ZNF566: variants seen among roughly 807,000 people sequenced by gnomAD.
ZNF566 encodes the protein zinc finger protein 566.
ZNF566 carries 27 observed loss-of-function variants against 32.8 expected under a neutral mutation model. The ratio of observed to expected loss-of-function variants is 0.82; its 90% CI spans 0.61 to 1.14. The LOEUF is 1.14. Ranked by LOEUF, ZNF566 falls within the 50% of genes most tolerant of loss-of-function variation. ZNF566 has a pLI of 0.00. For synonymous variants in ZNF566, 154 were observed against 159.5 expected, an observed-to-expected ratio of 0.97 and a Z score of 0.26; for missense variants, 402 against 490.4, an observed-to-expected ratio of 0.82 and a Z score of 1.70.
chr19:36,449,046 T>C lies in ZNF566; in HGVS notation c.1188A>G (p.Glu396=). The change falls in exon 5 of 5, where the codon GAA becomes GAG. Residue 396 remains glutamate (E), a synonymous_variant. Transcript: ENST00000452939. The part of the protein sequence containing the change: ...HRIHTSEKPY[E]YRECGKNFNY... ...TAAAGTTCTTTCCACATTCCCTATA[T>C]TCATAGGGTTTCTCACTAGTATGAA... 6.2e-7 allele frequency: 1 copy of C among 1,612,594 alleles called. No individual in the cohort carries two copies. Among genetic ancestry groups the C allele is most frequent in the Non-Finnish European group, 8.5e-7 (1 of 1,179,438 alleles).
intron 4 of ZNF566, among the ~76,000 whole-genome samples, chr19:36,451,068 C>T (rs947605794): frequency 6.6e-6 from 1 of 152,314 alleles, no homozygotes; most frequent in South Asian, 2.1e-4. Context: ...TTCTCAGTCA[C>T]ATTATTCACA....
At chr19:36,477,781 T>C (rs997581766) in intron 1 of ZNF566, among the ~76,000 whole-genome samples, 2 of 151,950 alleles carry the variant, frequency 1.3e-5, no homozygotes, top group African/African-American at 4.8e-5. Flanking sequence ...TCCAAAGTGC[T>C]GGGATTATAA....
At chr19:36,484,308 TTCTG>T (rs2145710192) in intron 1 of ZNF566, among the ~76,000 whole-genome samples, 1 of 152,350 alleles carries the variant, frequency 6.6e-6, no homozygotes, top group South Asian at 2.1e-4. Flanking sequence ...AGGTTTCCAA[TTCTG>T]TCTACCTGTT....
intron 4 of ZNF566, among the ~76,000 whole-genome samples, chr19:36,453,438 A>G (rs992378075): frequency 6.6e-6 from 1 of 151,190 alleles, no homozygotes; most frequent in Non-Finnish European, 1.5e-5. Flanking sequence ...GCGCCACTGC[A>G]CTCCAGCCTG....
At chr19:36,488,788 T>A (rs1006712125) in intron 1 of ZNF566, among the ~76,000 whole-genome samples, 6 of 152,192 alleles carry the variant, frequency 3.9e-5, no homozygotes, top group African/African-American at 1.4e-4. Flanking sequence ...AACATTCATA[T>A]AAAGTTTTAA....
At chr19:36,476,482 A>G in intron 2 of ZNF566, 67 bp downstream of exon 2, 1 of 1,445,148 alleles carries the variant, frequency 6.9e-7, no homozygotes, top group Non-Finnish European at 9.7e-7. Context: ...ATCATGAGGA[A>G]AGCAAATGTT....
intron 4 of ZNF566, among the ~76,000 whole-genome samples, chr19:36,467,819 A>AAAAAAG (rs1568521885): frequency 7.8e-6 from 1 of 127,810 alleles, no homozygotes; most frequent in African/African-American, 3.0e-5. Flanking sequence ...AAAAAAAAAA[A>AAAAAAG]AAAAAGAAAA....
In ZNF566 at chr19:36,448,118, A is replaced by G. The variant is rs1402533344; in HGVS notation, c.*859T>C. ...TATGAACAGAAAAATGATCAGCAAT[A>G]AATAATGAACTGATAAAGACTATCC... On this transcript the variant is annotated 3_prime_UTR_variant, in exon 5 of 5. Coordinates refer to ENST00000452939, the MANE Select transcript of ZNF566 (RefSeq NM_001145344.1). The G allele has an allele frequency of 1.3e-5, 2 of 152,194 alleles. No individual in the cohort carries two copies. The highest frequency in any genetic ancestry group is 1.5e-5 in the Non-Finnish European group (1 of 68,020). 9.4% of individuals were successfully genotyped at this position (152,194 alleles called of 1,614,324 possible).
rs761288825 is a variant in ZNF566 at position 36,489,523 on chromosome 19, G to GTAGT, written c.-101_-98dup. 1.1e-5 allele frequency: 4 copies of GTAGT among 349,366 alleles called. No individual in the cohort carries two copies. Among genetic ancestry groups the GTAGT allele is most frequent in the African/African-American group, 2.1e-5 (1 of 46,536 alleles). The allele number at this position is 349,366 out of a possible 1,614,324, so 21.6% of individuals were successfully genotyped here. A position where few individuals can be genotyped will look rare whatever the true frequency, so the allele number is the denominator to read the frequency against. On this transcript the variant is annotated 5_prime_UTR_variant, in exon 1 of 5. Transcript: ENST00000452939. ...CAGCAGAACCCTCCCCGGCACTGGGGTAGTTGCTGGTAAAGCCCTGAGGGT... is the reference window on the plus strand; with the variant it reads ...CAGCAGAACCCTCCCCGGCACTGGGGTAGTTAGTTGCTGGTAAAGCCCTGAGGGT...
chr19:36,473,211 A>C, intron 3 of ZNF566, 121 bp downstream of exon 3: 1 of 1,282,070 alleles, frequency 7.8e-7, no homozygotes, highest in Admixed American at 1.9e-5. Flanking sequence ...TATTCAGAAC[A>C]TTCCTGTGGA....
chr19:36,489,452 C>G, intron 1 of ZNF566, 34 bp downstream of exon 1: 3 of 305,594 alleles, frequency 9.8e-6, no homozygotes, highest in South Asian at 8.4e-5. Context: ...CCCCCGGCCC[C>G]GCCCTCTCCC....
chr19:36,487,224 C>T (rs553180769), intron 1 of ZNF566, among the ~76,000 whole-genome samples: 2 of 151,932 alleles, frequency 1.3e-5, no homozygotes, highest in African/African-American at 4.8e-5. Context: ...TATGAAGCAA[C>T]TGGAACTCTC....
At chr19:36,450,104 A>T in intron 4 of ZNF566, 103 bp from the exon 5 acceptor site, 1 of 922,652 alleles carries the variant, frequency 1.1e-6, no homozygotes, top group Non-Finnish European at 1.6e-6. Flanking sequence ...TTACAAATGG[A>T]TGAGGAAAAA....
chr19:36,478,190 A>G (rs1201541335), intron 1 of ZNF566, among the ~76,000 whole-genome samples: 3 of 152,164 alleles, frequency 2.0e-5, no homozygotes, highest in Non-Finnish European at 4.4e-5. Flanking sequence ...CCAAAGGAAT[A>G]CAAGTGTCTC....
intron 4 of ZNF566, among the ~76,000 whole-genome samples, chr19:36,471,189 G>C (rs1188186689): frequency 6.7e-6 from 1 of 149,018 alleles, no homozygotes; most frequent in Admixed American, 6.7e-5. Flanking sequence ...ACTCCAGCTT[G>C]GGCGACAGAG....
At chr19:36,477,904 T>C (rs1309161829) in intron 1 of ZNF566, among the ~76,000 whole-genome samples, 1 of 152,098 alleles carries the variant, frequency 6.6e-6, no homozygotes, top group African/African-American at 2.4e-5. Context: ...GAAGACTACA[T>C]TGTTTAAGGG....
chr19:36,451,543 G>C (rs1247365633), intron 4 of ZNF566, among the ~76,000 whole-genome samples: 1 of 152,148 alleles, frequency 6.6e-6, no homozygotes, highest in African/African-American at 2.4e-5. Context: ...ACAGATCAGA[G>C]ATACTAGATT....
At chr19:36,472,826 T>C in intron 4 of ZNF566, 85 bp downstream of exon 4, 1 of 1,110,956 alleles carries the variant, frequency 9.0e-7, no homozygotes, top group South Asian at 1.5e-5. Context: ...GCCAAAAGCC[T>C]GTGAGGAGAG....
intron 4 of ZNF566, among the ~76,000 whole-genome samples, chr19:36,470,401 C>CT (rs1369606247): frequency 1.3e-5 from 2 of 151,936 alleles, no homozygotes; most frequent in Non-Finnish European, 2.9e-5. Context: ...AGCATGAATC[C>CT]TTTTTTTTCC....
Sources: gnomAD v4.1 joint callset for allele counts (sites outside exome capture counted in the v4.1 genomes callset) on GRCh38, gnomAD v4.1.1 for gene constraint, MANE v1.5 for transcripts, NCBI Gene and HGNC (gene_info 2026-07-23, HGNC 2026-07-21) for gene names.